LRRC7: variants seen among roughly 807,000 people sequenced by gnomAD.
LRRC7 encodes the protein leucine rich repeat containing 7.
LRRC7 carries 23 observed loss-of-function variants against 175.7 expected under a neutral mutation model. The ratio of observed to expected loss-of-function variants is 0.13; its 90% CI spans 0.09 to 0.19. The LOEUF (loss-of-function observed/expected upper bound fraction) is 0.19. Ranked by LOEUF, LRRC7 falls within the 10% of genes least tolerant of loss-of-function variation. The pLI, the probability that LRRC7 is intolerant of heterozygous loss-of-function variation, is 1.00. For synonymous variants in LRRC7, 685 were observed against 680.9 expected, an observed-to-expected ratio of 1.01 and a Z score of -0.09; for missense variants, 1,354 against 1,904.7, an observed-to-expected ratio of 0.71 and a Z score of 5.38.
chr1:69,956,337 A>T (rs968405262), intron 8 of LRRC7, among the ~76,000 whole-genome samples: 2 of 151,820 alleles, frequency 1.3e-5, no homozygotes, highest in Non-Finnish European at 2.9e-5. Flanking sequence ...CTCCACACCC[A>T]CACTCATATA....
intron 1 of LRRC7, among the ~76,000 whole-genome samples, chr1:69,573,473 G>A (rs1383930314): frequency 2.6e-5 from 4 of 151,934 alleles, no homozygotes; most frequent in Non-Finnish European, 4.4e-5. Flanking sequence ...TATTATCTTG[G>A]AATAATTCAT....
rs1271326837 is a variant in LRRC7 at position 70,137,591 on chromosome 1, C to G, written c.*15704C>G. On this transcript the variant is annotated 3_prime_UTR_variant, in exon 27 of 27. Transcript: ENST00000651989. ...TTTGTGTTTAAGTACCTAATAGACC[C>G]ACCAGAGTTCAGTAAGAAATGCAAC... Among the ~76,000 whole-genome samples the G allele has an allele frequency of 6.6e-6, 1 of 152,160 alleles. No individual in the cohort carries two copies. The highest frequency in any genetic ancestry group is 1.5e-5 in the Non-Finnish European group (1 of 68,032).
chr1:69,626,471 A>C (rs1327926072), intron 1 of LRRC7, among the ~76,000 whole-genome samples: 1 of 151,956 alleles, frequency 6.6e-6, no homozygotes, highest in Non-Finnish European at 1.5e-5. Context: ...CCATTAATGA[A>C]AGCAGATTTT....
chr1:70,113,882 C>T (rs985062028), intron 26 of LRRC7, among the ~76,000 whole-genome samples: 53 of 152,240 alleles, frequency 3.5e-4, no homozygotes, highest in Non-Finnish European at 7.4e-5. Flanking sequence ...GTCCTCTTTA[C>T]CAAAGCATCA....
At chr1:70,101,301 A>G (rs1362452091) in intron 25 of LRRC7, among the ~76,000 whole-genome samples, 7 of 152,192 alleles carry the variant, frequency 4.6e-5, no homozygotes, top group South Asian at 2.1e-4. Context: ...GTAATTGTAT[A>G]TAATTTTTAC....
chr1:70,054,767 T>G (rs548404808), intron 23 of LRRC7, among the ~76,000 whole-genome samples: 3 of 151,676 alleles, frequency 2.0e-5, no homozygotes, highest in Non-Finnish European at 4.4e-5. Flanking sequence ...GCCTGGCCAA[T>G]TTTTAGTAGA....
At chr1:70,078,743 C>A (rs556890077) in intron 24 of LRRC7, among the ~76,000 whole-genome samples, 4 of 151,714 alleles carry the variant, frequency 2.6e-5, no homozygotes, top group Admixed American at 2.0e-4. Flanking sequence ...TACCCACCAA[C>A]AACATTCAAA....
chr1:69,665,243 C>T (rs1477364644), intron 1 of LRRC7, among the ~76,000 whole-genome samples: 1 of 151,384 alleles, frequency 6.6e-6, no homozygotes, highest in East Asian at 1.9e-4. Context: ...TAATGTGATT[C>T]CTTCAGTTTC....
In LRRC7 at chr1:69,673,782, A is replaced by AT. The variant is rs557639300; in HGVS notation, c.3-4591dup. On this transcript the variant is annotated intron_variant, in intron 1 of 26. Transcript: ENST00000651989. ...TCCAAGGAACAAAACGACTTTTAGT[A>AT]TTTTTTTTATATTTTCACCTATTTG... 1.8e-3 allele frequency among the ~76,000 whole-genome samples: 268 copies of AT among 151,982 alleles called. 1 individual carries two copies. The highest frequency in any genetic ancestry group is 6.2e-3 in the African/African-American group (256 of 41,458).
intron 2 of LRRC7, among the ~76,000 whole-genome samples, chr1:69,750,143 G>A (rs1486387701): frequency 6.6e-6 from 1 of 151,540 alleles, no homozygotes; most frequent in African/African-American, 2.4e-5. Context: ...TCAAGCTAAA[G>A]AATCTTGTAG....
At chr1:69,993,023 C>T (rs750874782) in intron 10 of LRRC7, among the ~76,000 whole-genome samples, 4 of 152,132 alleles carry the variant, frequency 2.6e-5, no homozygotes, top group African/African-American at 4.8e-5. Context: ...TCCAGGCTAC[C>T]AAGTCACAAA....
chr1:69,761,968 C>G (rs905492671), intron 3 of LRRC7, among the ~76,000 whole-genome samples: 1 of 151,864 alleles, frequency 6.6e-6, no homozygotes, highest in African/African-American at 2.4e-5. Flanking sequence ...TCAGGCCAAT[C>G]TAGGATTGCC....
chr1:69,924,967 A>G (rs1369143948), intron 7 of LRRC7, among the ~76,000 whole-genome samples: 2 of 152,176 alleles, frequency 1.3e-5, no homozygotes, highest in Admixed American at 6.5e-5. Flanking sequence ...ATTTTGAGAT[A>G]CATCCCATCA....
In LRRC7 at chr1:70,056,392, A is replaced by G. The variant is rs190796563; in HGVS notation, c.4230+3247A>G. On this transcript the variant is annotated intron_variant, in intron 23 of 26. Transcript: ENST00000651989. Reference sequence around the variant, plus strand: ...CAAGGGAAACGTTGAACTTCAAGGAAATACTTCACTAAACATAAGAAGTAG... The same window carrying G: ...CAAGGGAAACGTTGAACTTCAAGGAGATACTTCACTAAACATAAGAAGTAG... 1.4e-4 allele frequency among the ~76,000 whole-genome samples: 22 copies of G among 152,252 alleles called. No homozygotes were observed. In the East Asian group the frequency reaches 4.2e-3, roughly 29 times the overall value.
chr1:70,110,156 G>A (rs541876945), intron 26 of LRRC7, among the ~76,000 whole-genome samples: 1 of 152,314 alleles, frequency 6.6e-6, no homozygotes, highest in Non-Finnish European at 1.5e-5. Context: ...GAGGCAGGAG[G>A]ATGGCTTGAA....
intron 2 of LRRC7, among the ~76,000 whole-genome samples, chr1:69,743,494 C>T (rs576450228): frequency 6.6e-6 from 1 of 151,970 alleles, no homozygotes; most frequent in East Asian, 1.9e-4. Flanking sequence ...ATGAGGAAAC[C>T]AATTAGAAAG....
At chr1:69,589,360 C>G (rs1016615743) in intron 1 of LRRC7, among the ~76,000 whole-genome samples, 2 of 152,100 alleles carry the variant, frequency 1.3e-5, no homozygotes, top group Non-Finnish European at 2.9e-5. Flanking sequence ...CTTATCTGAA[C>G]TCTCCATCCT....
At chr1:69,634,031 A>T (rs998622553) in intron 1 of LRRC7, among the ~76,000 whole-genome samples, 7 of 152,106 alleles carry the variant, frequency 4.6e-5, no homozygotes, top group African/African-American at 1.7e-4. Context: ...TGTTAGAAGA[A>T]TTTAACTCAC....
intron 1 of LRRC7, among the ~76,000 whole-genome samples, chr1:69,648,972 GA>G (rs1655393278): frequency 6.6e-6 from 1 of 152,188 alleles, no homozygotes; most frequent in Non-Finnish European, 1.5e-5. Flanking sequence ...AAAATGTTGA[GA>G]AAATATTCTT....
Sources: allele counts gnomAD v4.1 joint callset (sites outside exome capture counted in the v4.1 genomes callset), GRCh38; gene constraint gnomAD v4.1.1; transcripts MANE v1.5; gene names NCBI Gene and HGNC (gene_info 2026-07-23, HGNC 2026-07-21).